The following SYNE1 variants were observed in gnomAD, a reference collection of about 807,000 sequenced individuals.
SYNE1 encodes the protein spectrin repeat containing nuclear envelope protein 1.
SYNE1 carries 616 observed loss-of-function variants against 1,111.0 expected under a neutral mutation model. The ratio of observed to expected loss-of-function variants is 0.55; its 90% CI spans 0.52 to 0.59. The LOEUF is 0.59. Ranked by LOEUF, SYNE1 falls within the 20% of genes least tolerant of loss-of-function variation. The pLI, the probability that SYNE1 is intolerant of heterozygous loss-of-function variation, is 0.00. For synonymous variants in SYNE1, 3,855 were observed against 3,825.8 expected, an observed-to-expected ratio of 1.01 and a Z score of -0.28; for missense variants, 10,006 against 10,417.0, an observed-to-expected ratio of 0.96 and a Z score of 1.72.
chr6:152,156,408 C>T (rs937275948), intron 131 of SYNE1, among the ~76,000 whole-genome samples: 8 of 152,184 alleles, frequency 5.3e-5, no homozygotes, highest in African/African-American at 9.7e-5. Flanking sequence ...CTCTACTTCA[C>T]GAATACATCA....
Position 152,628,214 on chromosome 6 carries a change from G to A in SYNE1, c.67+51C>T, listed in dbSNP as rs533247286. 46 of 1,583,008 alleles carry A rather than the reference G, an allele frequency of 2.9e-5. No homozygotes were observed. The Admixed American group carries it at 6.5e-4, about 22-fold the overall frequency. ...CCCCAAACAAATTTAACTGATTGTG[G>A]GTTAAGATGGTATTTGAATTTTTTT... On this transcript the variant is annotated intron_variant, in intron 3 of 145. Coordinates refer to ENST00000367255, the MANE Select transcript of SYNE1 (RefSeq NM_182961.4).
At position 152,399,482 on chromosome 6, in the gene SYNE1, C is replaced by T. The variant is rs181479446; in HGVS notation, c.7237+134G>A. On this transcript the variant is annotated intron_variant, in intron 48 of 145. Coordinates refer to ENST00000367255, the MANE Select transcript of SYNE1 (RefSeq NM_182961.4). ...AGCACAGCACTTCTATTGCTCAAAT[C>T]GCAAAGCACAAACAAATTTGAAATG... The T allele has an allele frequency of 1.0e-4, 114 of 1,089,460 alleles. 1 individual carries two copies. The highest frequency in any genetic ancestry group is 6.3e-4 in the South Asian group (50 of 79,256). 67.5% of individuals were successfully genotyped at this position (1,089,460 alleles called of 1,614,324 possible).
intron 128 of SYNE1, among the ~76,000 whole-genome samples, chr6:152,188,912 T>C (rs1275710564): frequency 1.2e-4 from 16 of 130,644 alleles, no homozygotes; most frequent in African/African-American, 3.8e-4. Context: ...GAGCCGAGAT[T>C]GTGCCACTGC....
At chr6:152,570,999 C>T (rs1306560206) in intron 3 of SYNE1, among the ~76,000 whole-genome samples, 1 of 152,152 alleles carries the variant, frequency 6.6e-6, no homozygotes, top group Non-Finnish European at 1.5e-5. Flanking sequence ...GCTCAGAAAG[C>T]AAGAAGGGAA....
chr6:152,391,736 C>T (rs577851735), intron 51 of SYNE1, among the ~76,000 whole-genome samples, 168 bp from the exon 52 acceptor site: 6 of 152,162 alleles, frequency 3.9e-5, no homozygotes, highest in Non-Finnish European at 8.8e-5. Flanking sequence ...ATTTCATTCT[C>T]TTATGATCTC....
In SYNE1 at chr6:152,241,527, T is replaced by A. The variant is rs4991949; in HGVS notation, c.19893+713A>T. On this transcript the variant is annotated intron_variant, in intron 107 of 145. Coordinates refer to ENST00000367255, the MANE Select transcript of SYNE1 (RefSeq NM_182961.4). ...GTGTGTGTGTGTGTGTGTGTGTGTG[T>A]GTGAAATACGCATTCTTCTACCATG... Among the ~76,000 whole-genome samples the A allele has an allele frequency of 2.1e-4, 31 of 145,108 alleles. 1 individual carries two copies. The highest frequency in any genetic ancestry group is 6.5e-4 in the South Asian group (3 of 4,614).
At chr6:152,548,444 T>C (rs186215446) in intron 3 of SYNE1, among the ~76,000 whole-genome samples, 7 of 152,294 alleles carry the variant, frequency 4.6e-5, no homozygotes, top group Non-Finnish European at 5.9e-5. Flanking sequence ...ATTCTCTCAC[T>C]CCTTGGACAG....
intron 141 of SYNE1, among the ~76,000 whole-genome samples, chr6:152,136,198 C>T (rs1005591593): frequency 6.6e-6 from 1 of 152,196 alleles, no homozygotes; most frequent in East Asian, 1.9e-4. Context: ...TGTTTTAGCA[C>T]CACGTCTGCC....
intron 3 of SYNE1, among the ~76,000 whole-genome samples, chr6:152,617,604 G>A (rs1033194108): frequency 1.3e-5 from 2 of 152,176 alleles, no homozygotes; most frequent in African/African-American, 2.4e-5. Context: ...GTACCTACTT[G>A]TGCTTAGTAC....
chr6:152,581,712 A>C (rs548450763), intron 3 of SYNE1, among the ~76,000 whole-genome samples: 6 of 152,216 alleles, frequency 3.9e-5, no homozygotes, highest in African/African-American at 1.4e-4. Context: ...CCACCAGCCC[A>C]AGAATGCCTT....
chr6:152,634,192 C>G (rs1163978831), intron 2 of SYNE1, among the ~76,000 whole-genome samples: 1 of 152,216 alleles, frequency 6.6e-6, no homozygotes, highest in Non-Finnish European at 1.5e-5. Context: ...TATTAGGAAA[C>G]TACTGCAGAA....
intron 3 of SYNE1, among the ~76,000 whole-genome samples, chr6:152,580,562 G>A (rs1032320938): frequency 1.3e-5 from 2 of 152,122 alleles, no homozygotes; most frequent in Non-Finnish European, 2.9e-5. Flanking sequence ...ATTGCGTTTG[G>A]AGTCTTCATC....
chr6:152,505,055 T>C (rs2099050473), intron 9 of SYNE1, 146 bp downstream of exon 9: 4 of 884,874 alleles, frequency 4.5e-6, no homozygotes, highest in South Asian at 1.5e-5. Flanking sequence ...CAGAAGAAAA[T>C]TGATGCAGGA....
At chr6:152,393,866 G>C (rs1377011592) in intron 51 of SYNE1, among the ~76,000 whole-genome samples, 1 of 152,156 alleles carries the variant, frequency 6.6e-6, no homozygotes, top group Non-Finnish European at 1.5e-5. Context: ...TGGGATACAT[G>C]TGCAGAATGT....
At chr6:152,256,819 T>C (rs2090966355) in intron 101 of SYNE1, 54 bp from the exon 102 acceptor site, 1 of 1,607,330 alleles carries the variant, frequency 6.2e-7, no homozygotes, top group Non-Finnish European at 8.5e-7. Context: ...TGTCCCAGTA[T>C]TCTCATTTGG....
intron 139 of SYNE1, among the ~76,000 whole-genome samples, chr6:152,140,364 A>T (rs2058261824): frequency 6.6e-6 from 1 of 152,196 alleles, no homozygotes; most frequent in Admixed American, 6.5e-5. Context: ...TTCTAATAAT[A>T]ATGAAGCAAA....
At chr6:152,395,148 A>G (rs951592447) in intron 51 of SYNE1, among the ~76,000 whole-genome samples, 2 of 151,414 alleles carry the variant, frequency 1.3e-5, no homozygotes, top group African/African-American at 4.9e-5. Context: ...TTTCCTTCAT[A>G]TCAGCTTCAC....
intron 3 of SYNE1, among the ~76,000 whole-genome samples, chr6:152,564,135 A>G (rs543457123): frequency 3.3e-5 from 5 of 152,340 alleles, no homozygotes; most frequent in South Asian, 4.1e-4. Flanking sequence ...ATGTTTACAG[A>G]TGTGTGAGAC....
intron 74 of SYNE1, among the ~76,000 whole-genome samples, chr6:152,342,334 GAAAC>G (rs924083876): frequency 6.6e-6 from 1 of 152,186 alleles, no homozygotes; most frequent in African/African-American, 2.4e-5. Context: ...AAGTGCATTG[GAAAC>G]AAACAGCCAC....
Sources: allele counts gnomAD v4.1 joint callset (sites outside exome capture counted in the v4.1 genomes callset), GRCh38; gene constraint gnomAD v4.1.1; transcripts MANE v1.5; gene names NCBI Gene and HGNC (gene_info 2026-07-23, HGNC 2026-07-21).